RASGRF2: variants seen among roughly 807,000 people sequenced by gnomAD.
RASGRF2 encodes Ras protein specific guanine nucleotide releasing factor 2, also known as ras-specific guanine nucleotide-releasing factor 2.
Under a neutral mutation model 151.0 loss-of-function variants are expected in RASGRF2, and 76 were observed. The observed-to-expected ratio is 0.50, with a 90% confidence interval of 0.42 to 0.61. The LOEUF is 0.61. Ranked by LOEUF, RASGRF2 falls within the 20% of genes least tolerant of loss-of-function variation. RASGRF2 has a pLI of 0.00. For synonymous variants in RASGRF2, 504 were observed against 566.5 expected (o/e 0.89, Z 1.57); for missense variants, 1,148 against 1,564.6 (o/e 0.73, Z 4.49).
chr5:81,089,677 C>G (rs1007679633), intron 9 of RASGRF2, among the ~76,000 whole-genome samples: 5 of 152,176 alleles, frequency 3.3e-5, no homozygotes, highest in Non-Finnish European at 5.9e-5. Context: ...AGTCTAGCTG[C>G]ATCACTGGAG....
At chr5:81,100,377 T>C (rs1752668746) in intron 12 of RASGRF2, among the ~76,000 whole-genome samples, 1 of 152,196 alleles carries the variant, frequency 6.6e-6, no homozygotes. Context: ...CTTAAGACTT[T>C]TAGCTTTGCC....
At chr5:81,114,847 A>T (rs1417555681) in intron 15 of RASGRF2, 2 of 152,226 alleles carry the variant, frequency 1.3e-5, no homozygotes, top group Non-Finnish European at 2.9e-5. Flanking sequence ...GTGCCTGACA[A>T]GTAGTAAATT....
chr5:81,201,001 A>G (rs59719994), intron 18 of RASGRF2, among the ~76,000 whole-genome samples: 3,922 of 152,070 alleles, frequency 0.026, 138 homozygotes, highest in African/African-American at 0.088. Context: ...GCAGTGTGAG[A>G]GAAGAGGCTG....
chr5:81,141,324 A>G (rs1174791560), intron 17 of RASGRF2, among the ~76,000 whole-genome samples: 1 of 152,092 alleles, frequency 6.6e-6, no homozygotes, highest in Non-Finnish European at 1.5e-5. Flanking sequence ...ACTGTGCTTG[A>G]CCACATTTGC....
At chr5:81,183,109 G>A (rs971501528) in intron 18 of RASGRF2, 3 of 864,996 alleles carry the variant, frequency 3.5e-6, no homozygotes, top group African/African-American at 1.8e-5. Flanking sequence ...TGAGTAGGAA[G>A]TTGTACTCAT....
At chr5:81,199,759 G>T (rs950772629) in intron 18 of RASGRF2, among the ~76,000 whole-genome samples, 4 of 151,650 alleles carry the variant, frequency 2.6e-5, no homozygotes, top group Admixed American at 2.6e-4. Context: ...TTAGCCAGGC[G>T]TGGTGGCACA....
chr5:81,040,676 C>T (rs949636373), intron 1 of RASGRF2, among the ~76,000 whole-genome samples: 1 of 152,224 alleles, frequency 6.6e-6, no homozygotes, highest in Non-Finnish European at 1.5e-5. Flanking sequence ...ACCTTGGTTC[C>T]TGTGCTTTTT....
intron 9 of RASGRF2, chr5:81,087,687 G>T: frequency 2.8e-6 from 1 of 359,306 alleles, no homozygotes; most frequent in South Asian, 6.9e-5. Flanking sequence ...TAGTGCTTAG[G>T]TCCTCTGGGG....
intron 22 of RASGRF2, among the ~76,000 whole-genome samples, chr5:81,210,409 A>G (rs1319053862): frequency 1.3e-5 from 2 of 152,206 alleles, no homozygotes; most frequent in African/African-American, 4.8e-5. Flanking sequence ...GCTCCTGTAC[A>G]GTGTCAACAG....
At chr5:81,067,993 A>G in intron 2 of RASGRF2, 39 bp from the exon 3 acceptor site, 1 of 1,544,118 alleles carries the variant, frequency 6.5e-7, no homozygotes, top group Non-Finnish European at 8.8e-7. Flanking sequence ...ATATAGTAGA[A>G]CAATATCTCA....
intron 19 of RASGRF2, among the ~76,000 whole-genome samples, chr5:81,205,550 A>T (rs1755486710): frequency 1.3e-5 from 2 of 152,168 alleles, no homozygotes; most frequent in Admixed American, 1.3e-4. Flanking sequence ...TGTTGATATT[A>T]TGTTTTTGAG....
At chr5:80,985,924 G>GGT (rs57558988) in intron 1 of RASGRF2, among the ~76,000 whole-genome samples, 30,226 of 149,872 alleles carry the variant, frequency 0.2, 3,722 homozygotes, top group Middle Eastern at 0.41. Context: ...TAGGTCTTTA[G>GGT]GTGTGTGTGT....
chr5:81,140,470 A>G (rs563294521), intron 17 of RASGRF2, among the ~76,000 whole-genome samples: 39 of 151,908 alleles, frequency 2.6e-4, no homozygotes, highest in South Asian at 6.3e-4. Context: ...ACTCACTCAC[A>G]TTTTGCTTGG....
intron 20 of RASGRF2, 35 bp downstream of exon 20, chr5:81,206,940 T>C (rs1755521580): frequency 6.7e-7 from 1 of 1,494,696 alleles, no homozygotes; most frequent in African/African-American, 1.4e-5. Flanking sequence ...AGCACAACTA[T>C]GTGCAAACTA....
intron 15 of RASGRF2, among the ~76,000 whole-genome samples, chr5:81,121,528 G>C (rs537311409): frequency 6.6e-6 from 1 of 152,318 alleles, no homozygotes; most frequent in African/African-American, 2.4e-5. Context: ...CAAACAATGT[G>C]AGGAGAAAGA....
intron 18 of RASGRF2, among the ~76,000 whole-genome samples, chr5:81,188,537 A>G (rs1181989765): frequency 6.6e-6 from 1 of 152,114 alleles, no homozygotes; most frequent in Non-Finnish European, 1.5e-5. Context: ...TGACTTGAGA[A>G]CCTGATTCTT....
chr5:81,208,253 G>T, intron 21 of RASGRF2, 101 bp from the exon 22 acceptor site: 1 of 1,009,846 alleles, frequency 9.9e-7, no homozygotes, highest in Non-Finnish European at 1.5e-6. Context: ...TCTAGGCCAT[G>T]TCAAATGGAA....
chr5:81,022,023 G>T (rs2112338690), intron 1 of RASGRF2, among the ~76,000 whole-genome samples: 1 of 152,282 alleles, frequency 6.6e-6, no homozygotes, highest in East Asian at 1.9e-4. Flanking sequence ...CTGGAATTCA[G>T]AATCTGAAAA....
intron 5 of RASGRF2, among the ~76,000 whole-genome samples, chr5:81,076,126 C>G (rs992921705): frequency 2.6e-5 from 4 of 152,112 alleles, no homozygotes; most frequent in Non-Finnish European, 5.9e-5. Flanking sequence ...AATGGTAACT[C>G]TGATTAGAGA....
Sources: allele counts gnomAD v4.1 joint callset (sites outside exome capture counted in the v4.1 genomes callset), GRCh38; gene constraint gnomAD v4.1.1; transcripts MANE v1.5; gene names NCBI Gene and HGNC (gene_info 2026-07-23, HGNC 2026-07-21).